COL13A1: variants seen among roughly 807,000 people sequenced by gnomAD.
The protein encoded by COL13A1 is collagen type XIII alpha 1 chain.
Under a neutral mutation model 130.9 loss-of-function variants are expected in COL13A1, and 89 were observed. The observed-to-expected ratio is 0.68, with a 90% CI of 0.57 to 0.81. The LOEUF (loss-of-function observed/expected upper bound fraction) is 0.81, where lower values mean the gene tolerates loss of function less well. COL13A1 is among the 30% of genes least tolerant of loss of function. The probability of loss-of-function intolerance (pLI) is 0.00; values close to 1 mark genes in which losing one functional copy is unlikely to be tolerated. For missense variants in COL13A1, 879 were observed against 934.6 expected, an observed-to-expected ratio of 0.94 and a Z score of 0.78; for synonymous variants, 402 against 341.6, an observed-to-expected ratio of 1.18 and a Z score of -1.95.
At chr10:69,873,943 G>A (rs962537352) in intron 4 of COL13A1, among the ~76,000 whole-genome samples, 2 of 152,158 alleles carry the variant, frequency 1.3e-5, no homozygotes, top group Non-Finnish European at 2.9e-5. Context: ...GCCAGGCACT[G>A]GCCACATGCT....
At chr10:69,870,789 A>G (rs1046891527) in intron 3 of COL13A1, among the ~76,000 whole-genome samples, 2 of 151,882 alleles carry the variant, frequency 1.3e-5, no homozygotes, top group Non-Finnish European at 2.9e-5. Flanking sequence ...GCACTGCAAC[A>G]TCCTGTGCAC....
In COL13A1 at chr10:69,924,987, C is replaced by G. The variant is rs764005586; in HGVS notation, c.1309C>G (p.Gln437Glu). 1.3e-6 allele frequency: 2 copies of G among 1,593,240 alleles called. No individual in the cohort carries two copies. Among genetic ancestry groups the G allele is most frequent in the Non-Finnish European group, 1.7e-6 (2 of 1,170,360 alleles). The change falls in exon 25 of 41, where the codon CAG becomes GAG. Residue 437 changes from glutamine to glutamate, a missense_variant. Coordinates refer to ENST00000645393, the MANE Select transcript of COL13A1 (RefSeq NM_001368882.1). The part of the protein sequence containing the change: ...DKGERGAAGE[Q>E]GPDGPKGSKG... ...GGGGGAGCGTGGAGCAGCTGGAGAA[C>G]AGGGACCAGATGGCCCCAAGGTATG...
At chr10:69,902,368 G>C (rs1166524569) in intron 14 of COL13A1, among the ~76,000 whole-genome samples, 1 of 152,192 alleles carries the variant, frequency 6.6e-6, no homozygotes. Context: ...CACACAGGGA[G>C]GGTGACAGAG....
chr10:69,902,713 G>A, intron 14 of COL13A1, 35 bp from the exon 15 acceptor site: 3 of 1,520,456 alleles, frequency 2.0e-6, no homozygotes, highest in Non-Finnish European at 1.8e-6. Context: ...AGCTCTGGGG[G>A]CCTTCCCTCT....
chr10:69,863,120 T>A (rs1277737041), intron 2 of COL13A1, among the ~76,000 whole-genome samples: 2 of 152,014 alleles, frequency 1.3e-5, no homozygotes, highest in Non-Finnish European at 2.9e-5. Context: ...GGGTTTCTCA[T>A]CCTTAGCACG....
intron 7 of COL13A1, among the ~76,000 whole-genome samples, chr10:69,886,382 G>A (rs1382602754): frequency 2.0e-5 from 3 of 152,190 alleles, no homozygotes; most frequent in East Asian, 3.9e-4. Context: ...AGTCATAGTC[G>A]GAGGCAGGAT....
At chr10:69,869,670 A>G (rs953576802) in intron 3 of COL13A1, among the ~76,000 whole-genome samples, 1 of 152,228 alleles carries the variant, frequency 6.6e-6, no homozygotes, top group Non-Finnish European at 1.5e-5. Context: ...CCTGGCAGAC[A>G]TTGCTAATCA....
chr10:69,863,654 A>G (rs1858890593), intron 2 of COL13A1, among the ~76,000 whole-genome samples: 1 of 152,118 alleles, frequency 6.6e-6, no homozygotes, highest in Non-Finnish European at 1.5e-5. Context: ...CCACTTTAGA[A>G]GGGGCTGAGG....
intron 39 of COL13A1, 126 bp downstream of exon 39, chr10:69,953,094 C>T: frequency 1.6e-6 from 1 of 627,442 alleles, no homozygotes; most frequent in Non-Finnish European, 2.5e-6. Flanking sequence ...CAAAATCTCT[C>T]TGTTCATTTG....
In COL13A1 at chr10:69,902,814, C is replaced by T; in HGVS notation, c.817C>T (p.Pro273Ser). 2 of 1,549,540 alleles carry T rather than the reference C, an allele frequency of 1.3e-6. No homozygotes were observed. Among genetic ancestry groups the T allele is most frequent in the Non-Finnish European group, 1.7e-6 (2 of 1,145,760 alleles). ...GPPGPPGPSG[P>S]LGHPGLPGPM... The stretch of plus-strand genomic sequence containing the variant: ...CCCAGGCCCCCCTGGACCAAGTGGA[C>T]CTCTGGGGCACCCAGGACTGCCAGG... The change falls in exon 15 of 41, where the codon CCT becomes TCT. Residue 273 changes from proline to serine, a missense_variant. By Grantham distance (74) the Pro-to-Ser change is moderately conservative. Transcript: ENST00000645393.
chr10:69,803,177 C>A (rs924846395), intron 1 of COL13A1, among the ~76,000 whole-genome samples: 9 of 152,272 alleles, frequency 5.9e-5, no homozygotes, highest in African/African-American at 2.2e-4. Flanking sequence ...CCGGGGGGTG[C>A]GGGGAGAGGG....
intron 1 of COL13A1, among the ~76,000 whole-genome samples, chr10:69,808,178 A>G (rs1278256214): frequency 1.3e-5 from 2 of 152,358 alleles, no homozygotes; most frequent in East Asian, 1.9e-4. Context: ...GCCAACCCTC[A>G]TAGGAAGGTG....
intron 5 of COL13A1, chr10:69,877,721 A>T (rs1395195942): frequency 1.4e-5 from 5 of 359,596 alleles, no homozygotes; most frequent in South Asian, 4.4e-5. Flanking sequence ...ACACACACAC[A>T]CACACACACA....
chr10:69,834,301 C>T (rs1253677020), intron 2 of COL13A1, among the ~76,000 whole-genome samples: 1 of 152,134 alleles, frequency 6.6e-6, no homozygotes. Flanking sequence ...CAGTCCAGTC[C>T]AGATCTATGG....
intron 17 of COL13A1, among the ~76,000 whole-genome samples, chr10:69,912,474 C>T (rs1475428383): frequency 3.3e-5 from 5 of 152,148 alleles, no homozygotes; most frequent in Non-Finnish European, 5.9e-5. Flanking sequence ...ACCGTTAGCC[C>T]TCCACACCTG....
rs779074460 is a variant in COL13A1, at chr10:69,880,598, A to G, written c.513+45A>G. 4 of 1,602,334 alleles carry G rather than the reference A, an allele frequency of 2.5e-6. No individual in the cohort carries two copies. The South Asian group carries it at 4.4e-5, about 18-fold the overall frequency. ...CCTCGGGGTGTTGGGGGGATGGGTG[A>G]GTTGATGAAAAGGGCTTTTAGGCTG... On this transcript the variant is annotated intron_variant, in intron 7 of 40. Coordinates refer to ENST00000645393, the MANE Select transcript of COL13A1 (RefSeq NM_001368882.1).
intron 25 of COL13A1, among the ~76,000 whole-genome samples, chr10:69,925,538 G>T (rs1414520013): frequency 6.6e-6 from 1 of 152,250 alleles, no homozygotes; most frequent in East Asian, 1.9e-4. Flanking sequence ...TGGCCCTCAG[G>T]TGGGAGGTCT....
intron 2 of COL13A1, among the ~76,000 whole-genome samples, chr10:69,855,241 G>A (rs140855822): frequency 3.6e-4 from 55 of 152,284 alleles, no homozygotes; most frequent in Non-Finnish European, 6.3e-4. Context: ...TGGTGGTGCC[G>A]TTCAGCCAGA....
intron 7 of COL13A1, among the ~76,000 whole-genome samples, chr10:69,886,406 G>A (rs916474898): frequency 2.0e-5 from 3 of 152,218 alleles, no homozygotes; most frequent in African/African-American, 7.2e-5. Flanking sequence ...AATTTAGTCT[G>A]CCAGTCTAGA....
Sources: allele counts gnomAD v4.1 joint callset (sites outside exome capture counted in the v4.1 genomes callset), GRCh38; gene constraint gnomAD v4.1.1; transcripts MANE v1.5; gene names NCBI Gene and HGNC (gene_info 2026-07-23, HGNC 2026-07-21).